The following PTPRB variants were observed in gnomAD, a reference collection of about 807,000 sequenced individuals.
PTPRB encodes the protein protein tyrosine phosphatase receptor type B, also known as receptor-type tyrosine-protein phosphatase beta.
In PTPRB, 97 loss-of-function variants were observed where a neutral mutation model predicts 238.1. That is an observed-to-expected ratio of 0.41 (90% CI 0.35 to 0.48). The LOEUF is 0.48. Ranked by LOEUF, PTPRB falls within the 20% of genes least tolerant of loss-of-function variation. The pLI is 0.30. For synonymous variants in PTPRB, 970 were observed against 995.4 expected, an observed-to-expected ratio of 0.97 and a Z score of 0.48; for missense variants, 2,292 against 2,681.9, an observed-to-expected ratio of 0.85 and a Z score of 3.21.
chr12:70,595,574 G>T (rs1432097965), intron 5 of PTPRB, among the ~76,000 whole-genome samples: 1 of 152,046 alleles, frequency 6.6e-6, no homozygotes, highest in Admixed American at 6.6e-5. Context: ...CATAATATGT[G>T]GGTGCACAGA....
intron 31 of PTPRB, among the ~76,000 whole-genome samples, chr12:70,532,609 C>T (rs953185752): frequency 6.6e-6 from 1 of 151,260 alleles, no homozygotes; most frequent in Admixed American, 6.6e-5. Context: ...TTTCTTCTTT[C>T]CTTCCTTCTT....
chr12:70,634,721 CTT>C (rs1885605722), intron 2 of PTPRB, among the ~76,000 whole-genome samples: 1 of 152,208 alleles, frequency 6.6e-6, no homozygotes, highest in African/African-American at 2.4e-5. Flanking sequence ...AGTCAAAAAA[CTT>C]AGGCTCTAAT....
Position 70,586,772 on chromosome 12 carries a change from G to A in PTPRB, c.2311+235C>T, listed in dbSNP as rs1230265791. On this transcript the variant is annotated intron_variant, in intron 9 of 33. Coordinates refer to ENST00000334414, the MANE Select transcript of PTPRB (RefSeq NM_001109754.4). The stretch of plus-strand genomic sequence containing the variant: ...CCTTTACAGCAAAACTCCTTGAAAC[G>A]GTTGTTCTTTACTCTTTTTCAAGTT... Among the ~76,000 whole-genome samples the A allele has an allele frequency of 3.3e-5, 5 of 152,218 alleles. No homozygotes were observed. In the East Asian group the frequency reaches 7.7e-4, roughly 24 times the overall value.
intron 11 of PTPRB, among the ~76,000 whole-genome samples, chr12:70,572,775 T>TTAAAAAAAA (rs1377784572): frequency 1.1e-5 from 1 of 93,970 alleles, no homozygotes; most frequent in Non-Finnish European, 2.4e-5. Context: ...CTCCATCTCA[T>TTAAAAAAAA]AAAAAAAAAA....
intron 22 of PTPRB, chr12:70,541,924 A>G (rs1875187821): frequency 6.6e-6 from 1 of 152,234 alleles, no homozygotes; most frequent in Admixed American, 6.5e-5. Flanking sequence ...ACATTCATGT[A>G]CAAGTTTCTA....
rs192427946 is a variant in PTPRB at position 70,528,518 on chromosome 12, A to G, written c.6504+3517T>C. Among the ~76,000 whole-genome samples, 36 of 152,146 alleles carry G rather than the reference A, an allele frequency of 2.4e-4. No individual in the cohort carries two copies. In the East Asian group the frequency reaches 6.4e-3, roughly 27 times the overall value. ...GGCAGTGGCAGTGGGATGAGGGGCT[A>G]GCTCCAAGGGAAGGAAAGGACTTCG... On this transcript the variant is annotated intron_variant, in intron 32 of 33. Transcript: ENST00000334414.
At chr12:70,565,905 C>G (rs1879232957) in intron 15 of PTPRB, among the ~76,000 whole-genome samples, 1 of 152,016 alleles carries the variant, frequency 6.6e-6, no homozygotes. Flanking sequence ...CACAAGAGTC[C>G]TTAAAAGATG....
rs779298044 is a variant in PTPRB at position 70,571,032 on chromosome 12, A to G, written c.3364T>C (p.Phe1122Leu). ...GAACAGTATTTCACATTACCTGTGA[A>G]GCCCTCAATGAAGGCTGACTGCTGT... The part of the protein sequence containing the change: ...DVQQSAFIEG[F>L]TVPSAVKNIH... The change falls in exon 13 of 34, where the codon TTC becomes CTC. Residue 1122 changes from phenylalanine to leucine, a missense_variant. Coordinates refer to ENST00000334414, the MANE Select transcript of PTPRB (RefSeq NM_001109754.4). 3.1e-6 allele frequency: 5 copies of G among 1,613,948 alleles called. No individual in the cohort carries two copies. In the East Asian group the frequency reaches 1.1e-4, roughly 36 times the overall value.
chr12:70,607,229 T>A (rs948737750), intron 4 of PTPRB, among the ~76,000 whole-genome samples: 1 of 152,236 alleles, frequency 6.6e-6, no homozygotes, highest in Non-Finnish European at 1.5e-5. Flanking sequence ...TATTCTGGCT[T>A]CTTAAAGGTC....
intron 33 of PTPRB, among the ~76,000 whole-genome samples, chr12:70,523,011 C>T (rs771377574): frequency 4.6e-5 from 7 of 151,424 alleles, no homozygotes; most frequent in Non-Finnish European, 7.4e-5. Flanking sequence ...TACAGGCACA[C>T]GTCACCATGC....
At chr12:70,576,672 GGGGGGGGGGGAA>G (rs1880779352) in intron 10 of PTPRB, 27 bp from the exon 11 acceptor site, 1 of 264,940 alleles carries the variant, frequency 3.8e-6, no homozygotes, top group African/African-American at 4.3e-5. Context: ...TGGGGGGCGG[GGGGGGGGGGGAA>G]GGGGGATTCA....
chr12:70,588,752 A>C (rs940859143), intron 8 of PTPRB, among the ~76,000 whole-genome samples: 15 of 152,220 alleles, frequency 9.9e-5, no homozygotes, highest in African/African-American at 3.4e-4. Flanking sequence ...CAGGAGTTTG[A>C]GACCAGCCTG....
intron 21 of PTPRB, among the ~76,000 whole-genome samples, chr12:70,547,743 G>A (rs1876232146): frequency 6.6e-6 from 1 of 152,052 alleles, no homozygotes; most frequent in African/African-American, 2.4e-5. Flanking sequence ...CTGGGCTCAA[G>A]CTATCTGCCT....
At chr12:70,529,344 C>T (rs1001839910) in intron 32 of PTPRB, among the ~76,000 whole-genome samples, 2 of 152,108 alleles carry the variant, frequency 1.3e-5, no homozygotes, top group Admixed American at 6.6e-5. Flanking sequence ...GGAGGTGATA[C>T]ATGGCCCAAG....
chr12:70,518,855 T>G lies in PTPRB; in HGVS notation c.*2634A>C, dbSNP rs1019003634. 3 of 152,174 alleles carry G rather than the reference T, an allele frequency of 2.0e-5. No homozygotes were observed. Among genetic ancestry groups the G allele is most frequent in the Non-Finnish European group, 4.4e-5 (3 of 68,022 alleles). The allele number at this position is 152,174 out of a possible 1,614,324, so 9.4% of individuals were successfully genotyped here. ...GATAGCTCAAAAGCACTTTGAAGTC[T>G]TGATGATTAAAGTGTACTGCACAGG... On this transcript the variant is annotated 3_prime_UTR_variant, in exon 34 of 34. Coordinates refer to ENST00000334414, the MANE Select transcript of PTPRB (RefSeq NM_001109754.4).
chr12:70,570,138 C>A (rs939544491), intron 13 of PTPRB, among the ~76,000 whole-genome samples, 200 bp from the exon 14 acceptor site: 2 of 151,902 alleles, frequency 1.3e-5, no homozygotes, highest in Admixed American at 1.3e-4. Flanking sequence ...GAAGTCAAAG[C>A]CGGTGAGTGG....
chr12:70,542,026 CTG>C (rs945714120), intron 22 of PTPRB: 50 of 152,216 alleles, frequency 3.3e-4, no homozygotes, highest in Admixed American at 2.1e-3. Flanking sequence ...TTTCTATAAA[CTG>C]TTTTTCAAAG....
intron 2 of PTPRB, among the ~76,000 whole-genome samples, chr12:70,628,434 A>G (rs542959204): frequency 6.6e-6 from 1 of 152,318 alleles, no homozygotes; most frequent in South Asian, 2.1e-4. Flanking sequence ...TGCACCCTTC[A>G]CCTGAAAGTT....
Position 70,534,890 on chromosome 12 carries a change from C to A in PTPRB, c.6147G>T (p.Gln2049His). Residue 2049 changes from glutamine to histidine, a missense_variant, in exon 30 of 34, where the codon CAG (glutamine) becomes CAT (histidine). By Grantham distance (24) the Gln-to-His change is conservative. Coordinates refer to ENST00000334414, the MANE Select transcript of PTPRB (RefSeq NM_001109754.4). ...DSLYYGDLIL[Q>H]MLSESVLPEW... ...CAGGCAGGACGGACTCTGAGAGCAT[C>A]TGCAGGATGAGGTCCCCATAGTAGA... is the stretch of plus-strand genomic sequence containing the variant. 6.2e-7 allele frequency: 1 copy of A among 1,613,952 alleles called. No individual in the cohort carries two copies. Among genetic ancestry groups the A allele is most frequent in the Non-Finnish European group, 8.5e-7 (1 of 1,179,858 alleles).
Sources: allele counts gnomAD v4.1 joint callset (sites outside exome capture counted in the v4.1 genomes callset), GRCh38; gene constraint gnomAD v4.1.1; transcripts MANE v1.5; gene names NCBI Gene and HGNC (gene_info 2026-07-23, HGNC 2026-07-21).